Variants in ARHGAP6 observed in about 807,000 individuals in gnomAD.
ARHGAP6 encodes rho GTPase-activating protein 6.
A neutral mutation model predicts 55.7 loss-of-function variants in ARHGAP6; 16 were observed. That is an observed-to-expected ratio of 0.29 (90% CI 0.19 to 0.44). The LOEUF is 0.44. Ranked by LOEUF, ARHGAP6 falls within the 20% of genes least tolerant of loss-of-function variation. ARHGAP6 has a pLI of 1.00. For missense variants in ARHGAP6, 698 were observed against 808.9 expected (o/e 0.86, Z 1.66); for synonymous variants, 382 against 360.9 (o/e 1.06, Z -0.66).
At chrX:11,350,924 A>G (rs2048855974) in intron 1 of ARHGAP6, among the ~76,000 whole-genome samples, 1 of 111,433 alleles carries the variant, frequency 9.0e-6, no homozygotes, top group Non-Finnish European at 1.9e-5. Context: ...AAAAACCTAA[A>G]TGGTCTGCAA....
chrX:11,664,187 A>G, intron 1 of ARHGAP6, 54 bp downstream of exon 1: 1 of 1,096,863 alleles, frequency 9.1e-7, no homozygotes, highest in Non-Finnish European at 1.2e-6. Context: ...GGTCTCCTGA[A>G]ACTGCCTGGG....
intron 1 of ARHGAP6, among the ~76,000 whole-genome samples, chrX:11,582,270 C>A (rs1406678488): frequency 1.8e-5 from 2 of 111,141 alleles, no homozygotes; most frequent in African/African-American, 3.3e-5. Flanking sequence ...TCTTTGGAGT[C>A]CCCCTACAAG....
At chrX:11,199,762 A>C (rs2046593363) in intron 2 of ARHGAP6, among the ~76,000 whole-genome samples, 1 of 112,185 alleles carries the variant, frequency 8.9e-6, no homozygotes, top group African/African-American at 3.2e-5. Context: ...CTTACAACAA[A>C]ATTTTTTCAC....
intron 1 of ARHGAP6, among the ~76,000 whole-genome samples, chrX:11,337,392 C>T (rs1481472874): frequency 7.2e-5 from 8 of 111,431 alleles, no homozygotes; most frequent in Non-Finnish European, 3.8e-5. Flanking sequence ...AACATCATAC[C>T]ATTTCTACTG....
At chrX:11,190,473 A>ATATATATACACACATATATATG (rs1191986663) in intron 3 of ARHGAP6, among the ~76,000 whole-genome samples, 3,201 of 100,316 alleles carry the variant, frequency 0.032, 172 homozygotes, top group African/African-American at 0.11. Flanking sequence ...ATATATATAT[A>ATATATATACACACATATATATG]TATATATACA....
At chrX:11,145,343 C>T (rs983376407) in intron 10 of ARHGAP6, among the ~76,000 whole-genome samples, 3 of 112,360 alleles carry the variant, frequency 2.7e-5, no homozygotes, top group African/African-American at 9.7e-5. Flanking sequence ...AGGGATCTAG[C>T]TTCCTCTGAG....
At chrX:11,347,425 C>T (rs5933877) in intron 1 of ARHGAP6, among the ~76,000 whole-genome samples, 6,463 of 111,558 alleles carry the variant, frequency 0.058, 204 homozygotes, top group African/African-American at 0.12. Context: ...TGAGACCTTA[C>T]TGACATTCTT....
chrX:11,392,119 G>C (rs1408891090), intron 1 of ARHGAP6, among the ~76,000 whole-genome samples: 1 of 112,193 alleles, frequency 8.9e-6, no homozygotes, highest in African/African-American at 3.2e-5. Context: ...CAAGAAAAAA[G>C]GGTCAAATTT....
intron 1 of ARHGAP6, among the ~76,000 whole-genome samples, chrX:11,279,315 C>T (rs1312621620): frequency 1.8e-5 from 2 of 111,973 alleles, no homozygotes; most frequent in African/African-American, 6.5e-5. Context: ...AAGATAAAAG[C>T]ATTCAACACA....
chrX:11,289,774 C>T (rs772773126), intron 1 of ARHGAP6, among the ~76,000 whole-genome samples: 7 of 111,401 alleles, frequency 6.3e-5, no homozygotes, highest in Non-Finnish European at 1.3e-4. Flanking sequence ...ATCATGAGGT[C>T]AGGAGATGGA....
intron 1 of ARHGAP6, among the ~76,000 whole-genome samples, chrX:11,566,738 T>A (rs972702978): frequency 8.9e-6 from 1 of 112,042 alleles, no homozygotes; most frequent in Non-Finnish European, 1.9e-5. Context: ...TCCATGAGTA[T>A]TATGCAAAAC....
At chrX:11,515,643 CT>C (rs2050831000) in intron 1 of ARHGAP6, among the ~76,000 whole-genome samples, 2 of 111,740 alleles carry the variant, frequency 1.8e-5, no homozygotes, top group African/African-American at 6.5e-5. Flanking sequence ...ATTTATTTTT[CT>C]TCTAAAACAT....
chrX:11,350,934 A>G (rs2048856224), intron 1 of ARHGAP6, among the ~76,000 whole-genome samples: 1 of 111,306 alleles, frequency 9.0e-6, no homozygotes, highest in Admixed American at 9.6e-5. Flanking sequence ...ATGGTCTGCA[A>G]TACTTCTAAG....
chrX:11,347,085 T>C (rs2048798933), intron 1 of ARHGAP6, among the ~76,000 whole-genome samples: 1 of 112,560 alleles, frequency 8.9e-6, no homozygotes, highest in Non-Finnish European at 1.9e-5. Context: ...CTATTTTACT[T>C]ATATACCTAT....
chrX:11,387,727 C>T (rs1019088855), intron 1 of ARHGAP6, among the ~76,000 whole-genome samples: 3 of 110,535 alleles, frequency 2.7e-5, no homozygotes, highest in South Asian at 7.9e-4. Flanking sequence ...CAACAGGCCC[C>T]GGTGTGTGAT....
In ARHGAP6 at chrX:11,211,862, T is replaced by G. The variant is rs760294842; in HGVS notation, c.749-14866A>C. Among the ~76,000 whole-genome samples the G allele has an allele frequency of 3.6e-5, 4 of 111,906 alleles. No homozygotes were observed. The Admixed American group carries it at 3.8e-4, about 11-fold the overall frequency. ...AGCTGGGAACAGTTTTTAAAAATTG[T>G]ATATGGTAGAGGAAGGAAAACACCT... On this transcript the variant is annotated intron_variant, in intron 2 of 12. Coordinates refer to ENST00000337414, the MANE Select transcript of ARHGAP6 (RefSeq NM_013427.3).
At chrX:11,547,379 T>C (rs1037300677) in intron 1 of ARHGAP6, among the ~76,000 whole-genome samples, 2 of 112,091 alleles carry the variant, frequency 1.8e-5, no homozygotes, top group Non-Finnish European at 3.8e-5. Flanking sequence ...GGTTGGGGCC[T>C]GAGATTCTGC....
intron 10 of ARHGAP6, among the ~76,000 whole-genome samples, chrX:11,154,571 G>A (rs2147283872): frequency 8.9e-6 from 1 of 112,318 alleles, no homozygotes; most frequent in East Asian, 2.8e-4. Flanking sequence ...GCAAAAATCA[G>A]TGGTTTTCCT....
At chrX:11,366,842 G>A (rs1045696702) in intron 1 of ARHGAP6, among the ~76,000 whole-genome samples, 1 of 111,830 alleles carries the variant, frequency 8.9e-6, no homozygotes, top group Non-Finnish European at 1.9e-5. Context: ...TTGCAACATG[G>A]AAGAACATAA....
Sources: gnomAD v4.1 joint callset for allele counts (sites outside exome capture counted in the v4.1 genomes callset) on GRCh38, gnomAD v4.1.1 for gene constraint, MANE v1.5 for transcripts, NCBI Gene and HGNC (gene_info 2026-07-23, HGNC 2026-07-21) for gene names.